The following DEFB110 variants were observed in gnomAD, a reference collection of about 807,000 sequenced individuals.
DEFB110 encodes the protein beta-defensin 110.
A neutral mutation model predicts 2.5 loss-of-function variants in DEFB110; 4 were observed. The ratio of observed to expected loss-of-function variants is 1.60; its 90% CI spans 0.79 to 3.66. The LOEUF is 3.66. Ranked by LOEUF, DEFB110 falls within the 30% of genes most tolerant of loss-of-function variation. DEFB110 has a pLI of 0.01. For missense variants in DEFB110, 94 were observed against 75.4 expected (o/e 1.25, Z -0.91); for synonymous variants, 29 against 21.8 (o/e 1.33, Z -0.92).
downstream of DEFB110, among the ~76,000 whole-genome samples, chr6:50,013,996 G>A (rs570690713): frequency 3.6e-4 from 55 of 151,786 alleles, 1 homozygote; most frequent in African/African-American, 1.1e-3. Flanking sequence ...GGTTTAAGAC[G>A]GAGGTTGAGA....
chr6:50,017,428 G>A (rs1396193397), downstream of DEFB110, among the ~76,000 whole-genome samples: 4 of 151,582 alleles, frequency 2.6e-5, no homozygotes, highest in South Asian at 2.1e-4. Context: ...GCCCCCTCCC[G>A]CAAAGAGGAT....
chr6:50,019,608 C>T (rs1323818577), intron 1 of DEFB110, among the ~76,000 whole-genome samples: 1 of 152,006 alleles, frequency 6.6e-6, no homozygotes, highest in African/African-American at 2.4e-5. Context: ...CTGCAACTCC[C>T]CTGAATATTT....
In DEFB110 at chr6:50,018,978, T is replaced by C. The variant is rs900793077; in HGVS notation, c.203A>G (p.Ter68=). Residue 68 remains the stop codon, a stop_retained_variant, in exon 2 of 2, where the codon TAA becomes TGA. Transcript: ENST00000371148. ...RPGTHCCLQQ[*] is the part of the protein sequence containing the mutation. The stretch of plus-strand genomic sequence containing the variant: ...TGTGACTCTTTTCTTCTGTCATCGT[T>C]ACTGCTGCAAGCAGCAATGAGTTCC... The C allele has an allele frequency of 1.2e-6, 2 of 1,609,242 alleles. No homozygotes were observed. The highest frequency in any genetic ancestry group is 2.7e-5 in the African/African-American group (2 of 74,708).
At chr6:50,011,931 G>A (rs566598556) in intron 1 of DEFB110, among the ~76,000 whole-genome samples, 97 of 152,142 alleles carry the variant, frequency 6.4e-4, no homozygotes, top group African/African-American at 2.2e-3. Flanking sequence ...TAAGTTTCAT[G>A]ACTGGATATT....
chr6:50,021,603 G>A (rs548612157), intron 1 of DEFB110, among the ~76,000 whole-genome samples: 1 of 152,208 alleles, frequency 6.6e-6, no homozygotes, highest in African/African-American at 2.4e-5. Flanking sequence ...GTTATATATT[G>A]CATAAACTTG....
downstream of DEFB110, among the ~76,000 whole-genome samples, chr6:50,015,083 C>T (rs969783797): frequency 2.0e-5 from 3 of 151,798 alleles, no homozygotes; most frequent in African/African-American, 7.2e-5. Flanking sequence ...ACAGCTCAAT[C>T]TTTCCAATTG....
intron 1 of DEFB110, among the ~76,000 whole-genome samples, chr6:50,011,391 C>A (rs774886253): frequency 6.6e-6 from 1 of 151,902 alleles, no homozygotes; most frequent in Admixed American, 6.6e-5. Flanking sequence ...AGAAATTGAG[C>A]CCATGATAAC....
At chr6:50,018,038 T>C (rs1037269350), downstream of DEFB110, among the ~76,000 whole-genome samples, 2 of 151,988 alleles carry the variant, frequency 1.3e-5, no homozygotes, top group Admixed American at 1.3e-4. Flanking sequence ...TGAATTAATA[T>C]GGATTGTTAA....
chr6:50,013,943 G>A (rs1386973911), downstream of DEFB110, among the ~76,000 whole-genome samples: 1 of 151,786 alleles, frequency 6.6e-6, no homozygotes, highest in African/African-American at 2.4e-5. Context: ...GAATTTGGAG[G>A]CTATCCAGTA....
intron 1 of DEFB110, among the ~76,000 whole-genome samples, chr6:50,010,732 T>C (rs1185715007): frequency 3.3e-5 from 5 of 151,714 alleles, no homozygotes; most frequent in African/African-American, 7.2e-5. Context: ...TTTGATATAA[T>C]TTAAAGTCAG....
downstream of DEFB110, among the ~76,000 whole-genome samples, chr6:50,015,913 G>T (rs1483014722): frequency 6.6e-6 from 1 of 151,758 alleles, no homozygotes; most frequent in African/African-American, 2.4e-5. Flanking sequence ...AATATTCCAT[G>T]CTTTATTCAT....
At chr6:50,020,307 AT>A (rs1774396585) in intron 1 of DEFB110, among the ~76,000 whole-genome samples, 1 of 151,928 alleles carries the variant, frequency 6.6e-6, no homozygotes. Flanking sequence ...CATTGGTTTG[AT>A]TGGTTATGTG....
chr6:50,015,033 A>G (rs1209255310), downstream of DEFB110, among the ~76,000 whole-genome samples: 1 of 151,814 alleles, frequency 6.6e-6, no homozygotes, highest in Non-Finnish European at 1.5e-5. Context: ...TCCAACCAAA[A>G]TTTGTTACAC....
chr6:50,010,217 T>C (rs1320069311), intron 1 of DEFB110, among the ~76,000 whole-genome samples: 1 of 151,898 alleles, frequency 6.6e-6, no homozygotes, highest in East Asian at 1.9e-4. Flanking sequence ...CAGGAAAAAA[T>C]GAGGCAAAAT....
At chr6:50,015,702 T>C (rs932789426), downstream of DEFB110, among the ~76,000 whole-genome samples, 12 of 151,856 alleles carry the variant, frequency 7.9e-5, no homozygotes, top group African/African-American at 2.7e-4. Context: ...TTGTATCCAC[T>C]CACTATACTA....
chr6:50,021,766 C>T (rs1295227491), intron 1 of DEFB110, 115 bp downstream of exon 1: 6 of 979,800 alleles, frequency 6.1e-6, no homozygotes, highest in African/African-American at 1.7e-5. Flanking sequence ...TACCACATTA[C>T]ATTTTTGTGA....
exon 2 of DEFB110, chr6:50,009,176 C>T (rs1774184124): frequency 4.3e-6 from 7 of 1,611,058 alleles, no homozygotes; most frequent in Non-Finnish European, 5.9e-6. Flanking sequence ...ATGCAGTATC[C>T]ATAATCATAC....
chr6:50,009,473 G>A (rs1345436620), intron 1 of DEFB110, among the ~76,000 whole-genome samples: 2 of 152,124 alleles, frequency 1.3e-5, no homozygotes, highest in African/African-American at 4.8e-5. Context: ...TGTACAAAAT[G>A]TCTATGTCCT....
At chr6:50,014,890 T>C (rs1163749462), downstream of DEFB110, among the ~76,000 whole-genome samples, 1 of 151,820 alleles carries the variant, frequency 6.6e-6, no homozygotes, top group Non-Finnish European at 1.5e-5. Flanking sequence ...CCTCAATCTC[T>C]GCATTAGATG....
Sources: gnomAD v4.1 joint callset for allele counts (sites outside exome capture counted in the v4.1 genomes callset) on GRCh38, gnomAD v4.1.1 for gene constraint, MANE v1.5 for transcripts, NCBI Gene and HGNC (gene_info 2026-07-23, HGNC 2026-07-21) for gene names.